Variants in PKHD1 observed in about 807,000 individuals in gnomAD.
The protein encoded by PKHD1 is fibrocystin.
Under a neutral mutation model 412.0 loss-of-function variants are expected in PKHD1, and 291 were observed. The ratio of observed to expected loss-of-function variants is 0.71; its 90% CI spans 0.64 to 0.78. PKHD1 has a LOEUF of 0.78. Ranked by LOEUF, PKHD1 falls within the 30% of genes least tolerant of loss-of-function variation. The probability of loss-of-function intolerance (pLI) is 0.00; values close to 1 mark genes in which losing one functional copy is unlikely to be tolerated. For missense variants in PKHD1, 4,825 were observed against 4,950.7 expected (o/e 0.97, Z 0.76); for synonymous variants, 1,777 against 1,821.5 (o/e 0.98, Z 0.62).
At chr6:52,056,597 T>C in intron 18 of PKHD1, 101 bp downstream of exon 18, 1 of 937,806 alleles carries the variant, frequency 1.1e-6, no homozygotes. Context: ...TTTTTTTTAC[T>C]CTGTTATCAC....
intron 36 of PKHD1, among the ~76,000 whole-genome samples, chr6:51,936,007 G>T (rs1291388465): frequency 6.6e-6 from 1 of 151,984 alleles, no homozygotes; most frequent in Non-Finnish European, 1.5e-5. Context: ...TGTAATACTT[G>T]ATATCAGGCA....
intron 34 of PKHD1, 67 bp from the exon 35 acceptor site, chr6:52,010,526 T>C: frequency 2.3e-6 from 3 of 1,310,188 alleles, no homozygotes; most frequent in Non-Finnish European, 3.3e-6. Context: ...TTTTTACTCT[T>C]ATTAATCATT....
intron 20 of PKHD1, among the ~76,000 whole-genome samples, chr6:52,053,829 T>A (rs1397761411): frequency 6.6e-6 from 1 of 152,220 alleles, no homozygotes; most frequent in East Asian, 1.9e-4. Flanking sequence ...ATGAGAAATG[T>A]CAGACTCCCT....
At chr6:51,934,021 C>A (rs1787064785) in intron 37 of PKHD1, 89 bp downstream of exon 37, 1 of 1,009,126 alleles carries the variant, frequency 9.9e-7, no homozygotes, top group Non-Finnish European at 1.6e-6. Flanking sequence ...GGCTCAGCAA[C>A]TATAGTCAAG....
At chr6:51,834,527 C>T (rs1318112958) in intron 51 of PKHD1, among the ~76,000 whole-genome samples, 2 of 151,868 alleles carry the variant, frequency 1.3e-5, no homozygotes, top group South Asian at 4.2e-4. Flanking sequence ...TGAGTTAACA[C>T]AGATAGATGT....
intron 66 of PKHD1, among the ~76,000 whole-genome samples, chr6:51,620,608 GC>G (rs1766484736): frequency 6.6e-6 from 1 of 151,786 alleles, no homozygotes. Flanking sequence ...AACTTATTAA[GC>G]TTTTTGTTAT....
chr6:52,030,722 G>C (rs1449664946), intron 29 of PKHD1, among the ~76,000 whole-genome samples: 1 of 152,138 alleles, frequency 6.6e-6, no homozygotes, highest in Non-Finnish European at 1.5e-5. Context: ...TCCAGATGAT[G>C]TCACTCAGCA....
rs919233785 is a variant in PKHD1, at chr6:51,821,538, T to C, written c.8302+9323A>G. Among the ~76,000 whole-genome samples, 9 of 152,212 alleles carry C rather than the reference T, an allele frequency of 5.9e-5. 1 individual carries two copies. Among genetic ancestry groups the C allele is most frequent in the Admixed American group, 2.0e-4 (3 of 15,282 alleles). ...TAACCAATTAGCTCTGATAGAGTAA[T>C]GTTGCCTGTTTTAAATAACATGGAC... On this transcript the variant is annotated intron_variant, in intron 52 of 66. Coordinates refer to ENST00000371117, the MANE Select transcript of PKHD1 (RefSeq NM_138694.4).
At chr6:51,784,214 T>C (rs770899557) in intron 53 of PKHD1, among the ~76,000 whole-genome samples, 4 of 152,200 alleles carry the variant, frequency 2.6e-5, no homozygotes, top group Non-Finnish European at 4.4e-5. Context: ...TGAAATCTAC[T>C]GCATGGAGAC....
chr6:52,060,175 T>C (rs764095333), intron 14 of PKHD1, 133 bp from the exon 15 acceptor site: 22 of 681,978 alleles, frequency 3.2e-5, no homozygotes, highest in African/African-American at 7.1e-5. Context: ...GCCACACAAT[T>C]GTCCAGAATA....
chr6:51,685,944 C>T (rs1225271549), intron 60 of PKHD1, among the ~76,000 whole-genome samples: 3 of 152,276 alleles, frequency 2.0e-5, no homozygotes, highest in African/African-American at 7.2e-5. Flanking sequence ...AGCACTTAGG[C>T]ACAACTTACC....
chr6:51,731,076 A>G (rs1783181749), intron 60 of PKHD1, among the ~76,000 whole-genome samples: 3 of 152,206 alleles, frequency 2.0e-5, no homozygotes. Context: ...GTGCACCACC[A>G]CACCTGGCTA....
intron 64 of PKHD1, 33 bp downstream of exon 64, chr6:51,638,816 A>AAC (rs112285661): frequency 3.8e-6 from 5 of 1,321,546 alleles, no homozygotes; most frequent in African/African-American, 1.5e-5. Flanking sequence ...AAAAAAAAAA[A>AAC]ACACAGAATA....
intron 36 of PKHD1, among the ~76,000 whole-genome samples, chr6:51,951,350 T>C (rs1790341209): frequency 6.6e-6 from 1 of 152,108 alleles, no homozygotes; most frequent in Non-Finnish European, 1.5e-5. Context: ...AAAATCGTCT[T>C]TTTCCCGAGG....
At chr6:51,835,685 T>C (rs954644010) in intron 51 of PKHD1, among the ~76,000 whole-genome samples, 7 of 152,168 alleles carry the variant, frequency 4.6e-5, no homozygotes, top group Non-Finnish European at 1.0e-4. Context: ...CCAATAAGCA[T>C]GGAGTAGTAA....
At position 51,871,333 on chromosome 6, in the gene PKHD1, C is replaced by A. The variant is rs1166786904; in HGVS notation, c.7351-694G>T. Among the ~76,000 whole-genome samples, 2 of 54,896 alleles carry A rather than the reference C, an allele frequency of 3.6e-5. 1 individual carries two copies. Among genetic ancestry groups the A allele is most frequent in the Non-Finnish European group, 1.3e-4 (2 of 15,150 alleles). 36.0% of individuals were successfully genotyped at this position (54,896 alleles called of 152,430 possible). On this transcript the variant is annotated intron_variant, in intron 46 of 66. Transcript: ENST00000371117. ...TGCATTACATCTATCTAATGGAATA[C>A]TATTCGTCGATAATAAGGAATGTAA...
At chr6:51,751,112 C>T (rs540682181) in intron 57 of PKHD1, among the ~76,000 whole-genome samples, 1 of 152,254 alleles carries the variant, frequency 6.6e-6, no homozygotes, top group South Asian at 2.1e-4. Flanking sequence ...AACTATTTTC[C>T]TATTTTTCCT....
intron 36 of PKHD1, among the ~76,000 whole-genome samples, chr6:51,935,290 C>T (rs962890170): frequency 1.3e-5 from 2 of 152,038 alleles, no homozygotes; most frequent in Non-Finnish European, 2.9e-5. Context: ...AATTATTTTG[C>T]ATTGTGAGAT....
At chr6:51,778,281 T>G (rs1347695909) in intron 53 of PKHD1, among the ~76,000 whole-genome samples, 1 of 152,138 alleles carries the variant, frequency 6.6e-6, no homozygotes, top group African/African-American at 2.4e-5. Flanking sequence ...ATATTAAACC[T>G]GGGCAAATTT....
Sources: allele counts gnomAD v4.1 joint callset (sites outside exome capture counted in the v4.1 genomes callset), GRCh38; gene constraint gnomAD v4.1.1; transcripts MANE v1.5; gene names NCBI Gene and HGNC (gene_info 2026-07-23, HGNC 2026-07-21).